The following TNFAIP8L3 variants were observed in gnomAD, a reference collection of about 807,000 sequenced individuals.
TNFAIP8L3 encodes the protein TNF alpha induced protein 8 like 3, also known as tumor necrosis factor alpha-induced protein 8-like protein 3.
Under a neutral mutation model 11.8 loss-of-function variants are expected in TNFAIP8L3, and 7 were observed. That is an observed-to-expected ratio of 0.59 (90% CI 0.34 to 1.11). TNFAIP8L3 has a LOEUF of 1.11. Ranked by LOEUF, TNFAIP8L3 falls within the 50% of genes most tolerant of loss-of-function variation. The probability of loss-of-function intolerance (pLI) is 0.03; values close to 1 mark genes in which losing one functional copy is unlikely to be tolerated. For missense variants in TNFAIP8L3, 219 were observed against 258.6 expected (o/e 0.85, Z 1.05); for synonymous variants, 98 against 103.8 (o/e 0.94, Z 0.34).
chr15:51,058,026 G>A lies in TNFAIP8L3; in HGVS notation c.470C>T (p.Thr157Ile). ...ELVQRHLTPR[T>I]HGRINHVFNH... ...AAAGACGTGGTTGATGCGCCCGTGG[G>A]TCCTGGGCGTCAGGTGCCGCTGCAC... The change falls in exon 2 of 2, where the codon ACC becomes ATC. Residue 157 changes from threonine to isoleucine, a missense_variant. Coordinates refer to ENST00000637513, the MANE Select transcript of TNFAIP8L3 (RefSeq NM_001311175.2). 6.2e-7 allele frequency: 1 copy of A among 1,614,186 alleles called. No homozygotes were observed. Among genetic ancestry groups the A allele is most frequent in the Non-Finnish European group, 8.5e-7 (1 of 1,180,024 alleles).
intron 1 of TNFAIP8L3, among the ~76,000 whole-genome samples, chr15:51,087,228 C>T (rs2065435667): frequency 6.6e-6 from 1 of 152,210 alleles, no homozygotes; most frequent in African/African-American, 2.4e-5. Context: ...CCTTCCCACC[C>T]TCACTTTCTC....
chr15:51,093,829 G>A (rs900906236), intron 1 of TNFAIP8L3, among the ~76,000 whole-genome samples: 1 of 152,174 alleles, frequency 6.6e-6, no homozygotes. Context: ...AGAGGCGGGG[G>A]AGGACATTCA....
At chr15:51,101,721 C>A (rs574255469) in intron 1 of TNFAIP8L3, among the ~76,000 whole-genome samples, 4 of 151,442 alleles carry the variant, frequency 2.6e-5, no homozygotes, top group Non-Finnish European at 2.9e-5. Flanking sequence ...CCAAGGTGGG[C>A]GGATCATGAG....
chr15:51,072,532 A>G (rs11634895), intron 1 of TNFAIP8L3, among the ~76,000 whole-genome samples: 59,096 of 152,074 alleles, frequency 0.39, 11,868 homozygotes, highest in Middle Eastern at 0.51. Flanking sequence ...TTCTCTTGCC[A>G]TGAGGTGATA....
At chr15:51,077,543 A>T (rs7170455) in intron 1 of TNFAIP8L3, among the ~76,000 whole-genome samples, 30,923 of 152,048 alleles carry the variant, frequency 0.2, 3,615 homozygotes, top group East Asian at 0.44. Flanking sequence ...AATTGTTTGT[A>T]CCCTGGCAGT....
intron 1 of TNFAIP8L3, among the ~76,000 whole-genome samples, chr15:51,083,505 G>A (rs1442873363): frequency 1.3e-5 from 2 of 152,220 alleles, no homozygotes; most frequent in East Asian, 3.8e-4. Context: ...GAGGGCATGT[G>A]GGTCAGAGCT....
chr15:51,086,055 C>T (rs1314635673), intron 1 of TNFAIP8L3, among the ~76,000 whole-genome samples: 10 of 152,194 alleles, frequency 6.6e-5, no homozygotes, highest in Admixed American at 6.5e-4. Flanking sequence ...TGAATTTTCT[C>T]TCCTCAAGTC....
chr15:51,065,370 G>A (rs569397133), intron 1 of TNFAIP8L3, among the ~76,000 whole-genome samples: 1 of 152,320 alleles, frequency 6.6e-6, no homozygotes, highest in South Asian at 2.1e-4. Flanking sequence ...GTCAGTCTGA[G>A]CTGCTGCTTT....
chr15:51,094,548 G>A lies in TNFAIP8L3; in HGVS notation c.48C>T (p.Ala16=), dbSNP rs1484858800. 5 of 1,501,874 alleles carry A rather than the reference G, an allele frequency of 3.3e-6. No individual in the cohort carries two copies. The South Asian group carries it at 3.7e-5, about 11-fold the overall frequency. The allele number at this position is 1,501,874 out of a possible 1,614,324, so 93.0% of individuals were successfully genotyped here. A position where few individuals can be genotyped will look rare whatever the true frequency, so the allele number is the denominator to read the frequency against. The change falls in exon 1 of 2, where the codon GCC becomes GCT. Residue 16 remains alanine (A), a synonymous_variant. Transcript: ENST00000637513. The surrounding 1 kb of genome is among the most constrained non-coding windows in gnomAD (Gnocchi z 4.4). ...GCCGTCGCGGCCCCTAGGTACCTGC[G>A]GCGGTCACGGGCTCGCCCTCGCTCT... ...GEQSEGEPVT[A]AGPDVFSSKS...
At chr15:51,079,042 T>G (rs1341739977) in intron 1 of TNFAIP8L3, among the ~76,000 whole-genome samples, 1 of 152,148 alleles carries the variant, frequency 6.6e-6, no homozygotes, top group African/African-American at 2.4e-5. Flanking sequence ...TCCCATAACC[T>G]TCAAGACAGC....
At position 51,057,946 on chromosome 15, in the gene TNFAIP8L3, A is replaced by G. The variant is rs779527818; in HGVS notation, c.550T>C (p.Cys184Arg). 6.2e-7 allele frequency: 1 copy of G among 1,612,188 alleles called. No individual in the cohort carries two copies. Among genetic ancestry groups the G allele is most frequent in the Non-Finnish European group, 8.5e-7 (1 of 1,179,442 alleles). ...CAAATCCTCTTGAGGTTGGGCCTAC[A>G]GTCTCCATCCAGACTATAGAGGGTG... Reference protein sequence around the residue: ...LSTLYSLDGDCRPNLKRICEG... With the variant: ...LSTLYSLDGDRRPNLKRICEG... The change falls in exon 2 of 2, where the codon TGT (cysteine) becomes CGT (arginine). Residue 184 changes from cysteine (C) to arginine (R), a missense_variant. Transcript: ENST00000637513.
intron 1 of TNFAIP8L3, among the ~76,000 whole-genome samples, chr15:51,103,431 C>T (rs1341446518): frequency 6.6e-6 from 1 of 152,214 alleles, no homozygotes; most frequent in East Asian, 1.9e-4. Context: ...AGACATCATC[C>T]CATGAGAGTT....
At chr15:51,065,922 T>C (rs547745565) in intron 1 of TNFAIP8L3, among the ~76,000 whole-genome samples, 1 of 152,198 alleles carries the variant, frequency 6.6e-6, no homozygotes, top group East Asian at 1.9e-4. Context: ...TCTGGAGTGC[T>C]TAATGGGCAT....
chr15:51,064,655 T>A (rs1595606364), intron 1 of TNFAIP8L3: 1 of 152,206 alleles, frequency 6.6e-6, no homozygotes, highest in African/African-American at 2.4e-5. Context: ...CATGCATACA[T>A]AATGTTACAA....
At chr15:51,101,260 A>C (rs1016685850) in intron 1 of TNFAIP8L3, among the ~76,000 whole-genome samples, 2 of 152,138 alleles carry the variant, frequency 1.3e-5, no homozygotes, top group Non-Finnish European at 2.9e-5. Context: ...AGATTACCTC[A>C]CTATCCTCTG....
At chr15:51,097,410 G>A (rs1285626340), upstream of TNFAIP8L3, among the ~76,000 whole-genome samples, 1 of 152,198 alleles carries the variant, frequency 6.6e-6, no homozygotes, top group Admixed American at 6.5e-5. Context: ...TGGGCATGGG[G>A]GGGAGAGAAA....
upstream of TNFAIP8L3, among the ~76,000 whole-genome samples, chr15:51,096,254 C>A (rs2065513005): frequency 1.3e-5 from 2 of 152,168 alleles, no homozygotes; most frequent in African/African-American, 4.8e-5. Context: ...GTGGGCTTAA[C>A]AGAGTGCAAA....
upstream of TNFAIP8L3, among the ~76,000 whole-genome samples, chr15:51,095,290 G>A (rs1379439795): frequency 6.7e-6 from 1 of 150,240 alleles, no homozygotes; most frequent in Non-Finnish European, 1.5e-5. Flanking sequence ...GGGGCGGGGT[G>A]GGGGGAGATG....
chr15:51,065,763 A>G (rs1174059525), intron 1 of TNFAIP8L3, among the ~76,000 whole-genome samples: 2 of 152,216 alleles, frequency 1.3e-5, no homozygotes, highest in African/African-American at 4.8e-5. Flanking sequence ...GCTGTGTCAA[A>G]ATTATAAAAT....
Sources: allele counts gnomAD v4.1 joint callset (sites outside exome capture counted in the v4.1 genomes callset), GRCh38; gene constraint gnomAD v4.1.1; non-coding constraint Gnocchi (gnomAD v3.1); transcripts MANE v1.5; gene names NCBI Gene and HGNC (gene_info 2026-07-23, HGNC 2026-07-21).